SMOC1: variants seen among roughly 807,000 people sequenced by gnomAD.
SMOC1 encodes the protein SPARC related modular calcium binding 1, also known as SPARC-related modular calcium-binding protein 1.
Under a neutral mutation model 56.3 loss-of-function variants are expected in SMOC1, and 22 were observed. That is an observed-to-expected ratio of 0.39 (90% CI 0.28 to 0.56). The LOEUF is 0.56. SMOC1 is among the 20% of genes least tolerant of loss of function. The pLI, the probability that SMOC1 is intolerant of heterozygous loss-of-function variation, is 0.61. For missense variants in SMOC1, 509 were observed against 565.4 expected (o/e 0.90, Z 1.01); for synonymous variants, 193 against 215.0 (o/e 0.90, Z 0.89).
chr14:69,993,287 G>C (rs746918071), intron 6 of SMOC1, among the ~76,000 whole-genome samples: 5 of 152,160 alleles, frequency 3.3e-5, no homozygotes, highest in Non-Finnish European at 5.9e-5. Flanking sequence ...TGGAGGCATA[G>C]AGAGAGGATA....
intron 3 of SMOC1, among the ~76,000 whole-genome samples, chr14:69,960,666 T>C (rs971751877): frequency 6.6e-6 from 1 of 152,226 alleles, no homozygotes; most frequent in African/African-American, 2.4e-5. Context: ...TCACTACTTG[T>C]TTTACATGTG....
chr14:69,989,307 A>C (rs183345976), intron 5 of SMOC1, among the ~76,000 whole-genome samples: 1 of 152,254 alleles, frequency 6.6e-6, no homozygotes, highest in East Asian at 1.9e-4. Flanking sequence ...ATATCTTTTC[A>C]TGTATTTATT....
At chr14:69,885,364 T>A in intron 1 of SMOC1, 1 of 1,597,170 alleles carries the variant, frequency 6.3e-7, no homozygotes. Flanking sequence ...TGGCAAGTTC[T>A]TTAGCCTTTG....
rs560640841 is a variant in SMOC1, at chr14:69,954,012, A to AGTGTGTGAGT, written c.378+487_378+488insAGTGTGTGTG. On this transcript the variant is annotated intron_variant, in intron 3 of 11. Coordinates refer to ENST00000361956, the MANE Select transcript of SMOC1 (RefSeq NM_001034852.3). ...TGTACTATGGTTCTTGGAGTGTGTG[A>AGTGTGTGAGT]GTGTGTGTGTGTGTATACACATACA... Among the ~76,000 whole-genome samples, 720 of 151,412 alleles carry AGTGTGTGAGT rather than the reference A, an allele frequency of 4.8e-3. 5 individuals carry two copies. The highest frequency in any genetic ancestry group is 0.014 in the African/African-American group (582 of 41,190).
chr14:70,026,562 G>A (rs1345666301), intron 11 of SMOC1, among the ~76,000 whole-genome samples: 3 of 152,240 alleles, frequency 2.0e-5, no homozygotes, highest in African/African-American at 7.2e-5. Context: ...AGGCTCAGCT[G>A]CAGACAAGTG....
chr14:70,013,661 A>G (rs947647851), intron 10 of SMOC1, among the ~76,000 whole-genome samples, 170 bp downstream of exon 10: 3 of 152,104 alleles, frequency 2.0e-5, no homozygotes, highest in Admixed American at 6.5e-5. Context: ...TCTGTCAAAA[A>G]TCTTCCTGCC....
chr14:69,979,926 A>C (rs1884113425), intron 5 of SMOC1, among the ~76,000 whole-genome samples: 1 of 152,160 alleles, frequency 6.6e-6, no homozygotes, highest in Non-Finnish European at 1.5e-5. Flanking sequence ...ACACACACTA[A>C]ACAACTGCCA....
chr14:69,985,977 G>A (rs753120598), intron 5 of SMOC1, among the ~76,000 whole-genome samples: 1 of 152,126 alleles, frequency 6.6e-6, no homozygotes, highest in Non-Finnish European at 1.5e-5. Flanking sequence ...TTCTATCCGC[G>A]GTTGAAGGCA....
At chr14:69,906,982 G>A (rs1405958957) in intron 1 of SMOC1, among the ~76,000 whole-genome samples, 1 of 152,190 alleles carries the variant, frequency 6.6e-6, no homozygotes, top group Non-Finnish European at 1.5e-5. Context: ...GAAAAAGGTT[G>A]GAGATGCAGC....
chr14:70,028,885 T>C (rs992252589), intron 11 of SMOC1, among the ~76,000 whole-genome samples: 6 of 152,216 alleles, frequency 3.9e-5, no homozygotes, highest in African/African-American at 1.4e-4. Flanking sequence ...GTAAGGAATA[T>C]TGGCATAACC....
intron 1 of SMOC1, among the ~76,000 whole-genome samples, chr14:69,899,316 T>C (rs1479943296): frequency 6.6e-6 from 1 of 151,946 alleles, no homozygotes; most frequent in East Asian, 1.9e-4. Flanking sequence ...TGGTGGGAGG[T>C]GATTGGATCA....
intron 3 of SMOC1, among the ~76,000 whole-genome samples, chr14:69,954,141 G>T (rs543976667): frequency 6.6e-6 from 1 of 152,260 alleles, no homozygotes; most frequent in South Asian, 2.1e-4. Flanking sequence ...TGACTGTGTT[G>T]ATCTTGGCAC....
intron 10 of SMOC1, among the ~76,000 whole-genome samples, chr14:70,015,135 G>T (rs1356095470): frequency 6.6e-6 from 1 of 152,198 alleles, no homozygotes; most frequent in Non-Finnish European, 1.5e-5. Context: ...AGTCTTAAAA[G>T]AGAGAGAAAT....
rs749312990 is a variant in SMOC1, at chr14:69,975,289, G to T, written c.379-426G>T. On this transcript the variant is annotated intron_variant, in intron 3 of 11. Coordinates refer to ENST00000361956, the MANE Select transcript of SMOC1 (RefSeq NM_001034852.3). ...ACCCAGGAGGCAGAGGGTGCAGTGA[G>T]CTGAGATCATGCCACTGCACTCCAG... Among the ~76,000 whole-genome samples, 64 of 152,278 alleles carry T rather than the reference G, an allele frequency of 4.2e-4. No homozygotes were observed. The Middle Eastern group carries it at 0.01, about 24-fold the overall frequency.
In SMOC1 at chr14:70,001,972, G is replaced by A. The variant is rs374586037; in HGVS notation, c.664+7492G>A. On this transcript the variant is annotated intron_variant, in intron 7 of 11. Transcript: ENST00000361956. ...CCTAACATGCCAGACCCTTCGATAG[G>A]AGTATGCAGGAGGAGTGATAGGCAC... 5.4e-4 allele frequency among the ~76,000 whole-genome samples: 83 copies of A among 152,300 alleles called. 2 individuals are homozygous for A. Among genetic ancestry groups the A allele is most frequent in the African/African-American group, 2.0e-3 (82 of 41,552 alleles).
intron 5 of SMOC1, among the ~76,000 whole-genome samples, chr14:69,981,024 C>T (rs1014489751): frequency 3.9e-5 from 6 of 152,020 alleles, no homozygotes; most frequent in Admixed American, 3.3e-4. Flanking sequence ...AGAGTCTGGT[C>T]GCCAGCCAGG....
intron 1 of SMOC1, among the ~76,000 whole-genome samples, chr14:69,906,201 T>G (rs1047831932): frequency 1.3e-5 from 2 of 152,226 alleles, no homozygotes; most frequent in Non-Finnish European, 2.9e-5. Flanking sequence ...CTGTGTTCCT[T>G]TCCCACAATC....
intron 3 of SMOC1, among the ~76,000 whole-genome samples, chr14:69,954,342 C>A (rs754226524): frequency 5.3e-5 from 8 of 152,152 alleles, no homozygotes; most frequent in Non-Finnish European, 1.0e-4. Context: ...CCACACCCAG[C>A]TTATTTTTTA....
chr14:69,961,270 GTGTATA>G lies in SMOC1; in HGVS notation c.378+7740_378+7745del, dbSNP rs1243284284. ...TTTTATTGTCAAGCAATATTCTATTGTGTATATATATATATATATATATATATATAT... is the reference window on the plus strand; with the variant it reads ...TTTTATTGTCAAGCAATATTCTATTGTATATATATATATATATATATATAT... On this transcript the variant is annotated intron_variant, in intron 3 of 11. Coordinates refer to ENST00000361956, the MANE Select transcript of SMOC1 (RefSeq NM_001034852.3). Among the ~76,000 whole-genome samples the G allele has an allele frequency of 5.1e-3, 302 of 59,668 alleles. 2 individuals are homozygous for G. Among genetic ancestry groups the G allele is most frequent in the Middle Eastern group, 0.045 (4 of 88 alleles). The allele number at this position is 59,668 out of a possible 152,430, so 39.1% of individuals were successfully genotyped here. A position where few individuals can be genotyped will look rare whatever the true frequency, so the allele number is the denominator to read the frequency against.
Sources: allele counts gnomAD v4.1 joint callset (sites outside exome capture counted in the v4.1 genomes callset), GRCh38; gene constraint gnomAD v4.1.1; transcripts MANE v1.5; gene names NCBI Gene and HGNC (gene_info 2026-07-23, HGNC 2026-07-21).